Variants in PCDHA1 observed in about 807,000 individuals in gnomAD.
The protein encoded by PCDHA1 is protocadherin alpha 1.
In PCDHA1, 42 loss-of-function variants were observed where a neutral mutation model predicts 61.3. The ratio of observed to expected loss-of-function variants is 0.69; its 90% confidence interval spans 0.54 to 0.89. The LOEUF (loss-of-function observed/expected upper bound fraction) is 0.89. Ranked by LOEUF, PCDHA1 falls within the 40% of genes least tolerant of loss-of-function variation. PCDHA1 has a pLI of 0.00. For synonymous variants in PCDHA1, 610 were observed against 553.8 expected, an observed-to-expected ratio of 1.10 and a Z score of -1.43; for missense variants, 1,256 against 1,235.3, an observed-to-expected ratio of 1.02 and a Z score of -0.25.
chr5:140,923,451 C>T (rs1256990906), intron 1 of PCDHA1, among the ~76,000 whole-genome samples: 2 of 151,914 alleles, frequency 1.3e-5, no homozygotes, highest in African/African-American at 4.8e-5. Context: ...TCACCTGAGC[C>T]CAGAGAGGTA....
chr5:140,870,550 G>C (rs371515299), intron 1 of PCDHA1: 2 of 1,614,066 alleles, frequency 1.2e-6, no homozygotes, highest in South Asian at 2.2e-5. Flanking sequence ...GGACGCGGAC[G>C]CGCAGGAGAA....
At chr5:140,800,463 G>A (rs1449101824) in intron 1 of PCDHA1, among the ~76,000 whole-genome samples, 1 of 152,132 alleles carries the variant, frequency 6.6e-6, no homozygotes, top group African/African-American at 2.4e-5. Flanking sequence ...ATATATGTAT[G>A]TTTTAATATA....
chr5:140,966,166 C>T (rs1159533172), intron 1 of PCDHA1: 1 of 179,138 alleles, frequency 5.6e-6, no homozygotes, highest in Non-Finnish European at 1.2e-5. Flanking sequence ...GAGATCTTTT[C>T]CTGGGGAGCT....
At chr5:140,882,588 A>T in intron 1 of PCDHA1, 7 of 1,614,186 alleles carry the variant, frequency 4.3e-6, no homozygotes, top group Non-Finnish European at 5.1e-6. Context: ...ATCCACCTGG[A>T]GGTGATCGTG....
intron 1 of PCDHA1, among the ~76,000 whole-genome samples, chr5:140,890,116 G>A (rs1290402695): frequency 6.6e-6 from 1 of 152,142 alleles, no homozygotes; most frequent in East Asian, 1.9e-4. Flanking sequence ...ATTCAATGAT[G>A]TCACTTTGGT....
chr5:140,970,752 T>A (rs1324041619), intron 1 of PCDHA1, among the ~76,000 whole-genome samples: 1 of 152,244 alleles, frequency 6.6e-6, no homozygotes, highest in Non-Finnish European at 1.5e-5. Context: ...CAATATATTT[T>A]CATTGACATA....
chr5:140,820,098 A>G (rs1554127792), intron 1 of PCDHA1, among the ~76,000 whole-genome samples: 1 of 151,998 alleles, frequency 6.6e-6, no homozygotes, highest in Non-Finnish European at 1.5e-5. Flanking sequence ...AATATTTATT[A>G]TCATTTTCTT....
At chr5:140,982,675 T>C in intron 3 of PCDHA1, 112 bp downstream of exon 3, 1 of 1,441,782 alleles carries the variant, frequency 6.9e-7, no homozygotes, top group Non-Finnish European at 9.1e-7. Flanking sequence ...ATTTTTGTTA[T>C]TCCCTTTTTT....
intron 1 of PCDHA1, chr5:140,796,583 C>A (rs1404224188): frequency 3.1e-6 from 5 of 1,612,538 alleles, no homozygotes; most frequent in Non-Finnish European, 3.4e-6. Context: ...GCGCGGGATG[C>A]GGGCGTGCCG....
rs139390480 is a variant in PCDHA1, at chr5:140,856,945, A to T, written c.2394+68261A>T. ...AATTTTGGATAAACGAAAGGACGGGAGAAATAAAAGTAAATGATGCTATTG... is the reference window on the plus strand; with the variant it reads ...AATTTTGGATAAACGAAAGGACGGGTGAAATAAAAGTAAATGATGCTATTG... On this transcript the variant is annotated intron_variant, in intron 1 of 3. Transcript: ENST00000504120. The T allele has an allele frequency of 3.8e-6, 6 of 1,593,208 alleles. No individual in the cohort carries two copies. The highest frequency in any genetic ancestry group is 5.2e-6 in the Non-Finnish European group (6 of 1,163,192).
At chr5:140,849,211 C>G (rs2040817305) in intron 1 of PCDHA1, 1 of 1,031,974 alleles carries the variant, frequency 9.7e-7, no homozygotes, top group East Asian at 2.6e-5. Flanking sequence ...AATGACAATG[C>G]CCCAGTGTTC....
chr5:140,806,875 A>C, intron 1 of PCDHA1: 1 of 396,628 alleles, frequency 2.5e-6, no homozygotes. Flanking sequence ...GTACCACAGT[A>C]GTACAAAATG....
chr5:140,946,384 G>A (rs2093939169), intron 1 of PCDHA1, among the ~76,000 whole-genome samples: 1 of 151,758 alleles, frequency 6.6e-6, no homozygotes, highest in Non-Finnish European at 1.5e-5. Context: ...CGGTTGGTAG[G>A]AATGTAAATT....
intron 1 of PCDHA1, among the ~76,000 whole-genome samples, chr5:140,964,114 C>T (rs1227257943): frequency 6.6e-6 from 1 of 151,992 alleles, no homozygotes; most frequent in Non-Finnish European, 1.5e-5. Context: ...TGAGCAATCA[C>T]ATTCTAACAA....
chr5:140,899,833 G>T (rs2067579431), intron 1 of PCDHA1, among the ~76,000 whole-genome samples: 1 of 152,094 alleles, frequency 6.6e-6, no homozygotes, highest in African/African-American at 2.4e-5. Flanking sequence ...TTTTGAGACA[G>T]GTCTTGCTGT....
chr5:140,926,787 A>G, intron 1 of PCDHA1: 2 of 1,420,842 alleles, frequency 1.4e-6, no homozygotes, highest in Non-Finnish European at 1.8e-6. Context: ...GACGGCCGGC[A>G]GGAGCGTGCT....
rs782071598 is a variant in PCDHA1 at position 140,883,785 on chromosome 5, G to C, written c.2394+95101G>C. On this transcript the variant is annotated intron_variant, in intron 1 of 3. Coordinates refer to ENST00000504120, the MANE Select transcript of PCDHA1 (RefSeq NM_018900.4). ...CGGGTGGGCGAGCGTGCGCTGTCGA[G>C]CTACGTGTCGGTGCACGCGGAGAGC... The C allele has an allele frequency of 1.3e-5, 21 of 1,612,402 alleles. No individual in the cohort carries two copies. In the East Asian group the frequency reaches 4.0e-4, roughly 31 times the overall value.
chr5:140,932,607 T>C (rs555006363), intron 1 of PCDHA1, among the ~76,000 whole-genome samples: 8 of 152,052 alleles, frequency 5.3e-5, no homozygotes, highest in Non-Finnish European at 7.4e-5. Flanking sequence ...CTATTTTGAC[T>C]TTGAAGCTGA....
At chr5:140,795,073 G>A (rs782489216) in intron 1 of PCDHA1, 3 of 1,613,978 alleles carry the variant, frequency 1.9e-6, no homozygotes, top group South Asian at 1.1e-5. Flanking sequence ...CTCCGTCCCC[G>A]AGGAGGCCAA....
Sources: gnomAD v4.1 joint callset for allele counts (sites outside exome capture counted in the v4.1 genomes callset) on GRCh38, gnomAD v4.1.1 for gene constraint, MANE v1.5 for transcripts, NCBI Gene and HGNC (gene_info 2026-07-23, HGNC 2026-07-21) for gene names.